The following C6orf132 variants were observed in gnomAD, a reference collection of about 807,000 sequenced individuals.
The protein encoded by C6orf132 is uncharacterized protein C6orf132.
Under a neutral mutation model 65.3 loss-of-function variants are expected in C6orf132, and 43 were observed. The observed-to-expected ratio is 0.66, with a 90% CI of 0.52 to 0.85. The LOEUF (loss-of-function observed/expected upper bound fraction) is 0.85, where lower values mean the gene tolerates loss of function less well. Ranked by LOEUF, C6orf132 falls within the 40% of genes least tolerant of loss-of-function variation. C6orf132 has a pLI of 0.00. For synonymous variants in C6orf132, 631 were observed against 654.1 expected (o/e 0.96, Z 0.54); for missense variants, 1,488 against 1,548.8 (o/e 0.96, Z 0.66).
chr6:42,121,770 T>C (rs1766689747), intron 2 of C6orf132, among the ~76,000 whole-genome samples: 1 of 151,878 alleles, frequency 6.6e-6, no homozygotes, highest in Non-Finnish European at 1.5e-5. Context: ...AGTTGCAGAG[T>C]GGGAGGGAGA....
intron 3 of C6orf132, 57 bp downstream of exon 3, chr6:42,110,159 C>T (rs1766472371): frequency 1.4e-6 from 2 of 1,415,348 alleles, no homozygotes; most frequent in Non-Finnish European, 1.9e-6. Context: ...AGCTTTTGAA[C>T]TCAGGGCCCT....
intron 2 of C6orf132, among the ~76,000 whole-genome samples, chr6:42,120,403 C>T (rs991445285): frequency 1.3e-5 from 2 of 151,618 alleles, no homozygotes; most frequent in Admixed American, 1.3e-4. Context: ...CCCACCACCA[C>T]GTCCAGTTAA....
At position 42,128,693 on chromosome 6, in the gene C6orf132, G is replaced by A; in HGVS notation, c.231C>T (p.Pro77=). ...TCACCAGCGGAAGGAAGGTCAGCAG[G>A]GGCCGGACTCTTGGCCGAGCTTTCA... The part of the protein sequence containing the change: ...ATLKARPRVR[P]LLTFLPLNAQ... Residue 77 remains proline, a synonymous_variant, in exon 2 of 5, where the codon CCC becomes CCT. Coordinates refer to ENST00000341865, the MANE Select transcript of C6orf132 (RefSeq NM_001164446.3). The A allele has an allele frequency of 6.4e-7, 1 of 1,551,372 alleles. No individual in the cohort carries two copies. Among genetic ancestry groups the A allele is most frequent in the Non-Finnish European group, 8.7e-7 (1 of 1,146,942 alleles).
intron 2 of C6orf132, among the ~76,000 whole-genome samples, chr6:42,121,985 C>T (rs557269071): frequency 1.3e-5 from 2 of 152,248 alleles, no homozygotes; most frequent in South Asian, 2.1e-4. Flanking sequence ...GCCTGGTGGA[C>T]GTGGTAGAGG....
At position 42,102,064 on chromosome 6, in the gene C6orf132, A is replaced by G. The variant is rs1225383799; in HGVS notation, c.*1697T>C. The G allele has an allele frequency of 6.6e-6, 1 of 152,174 alleles. No homozygotes were observed. Among genetic ancestry groups the G allele is most frequent in the African/African-American group, 2.4e-5 (1 of 41,416 alleles). 9.4% of individuals were successfully genotyped at this position (152,174 alleles called of 1,614,324 possible). A position where few individuals can be genotyped will look rare whatever the true frequency, so the allele number is the denominator to read the frequency against. On this transcript the variant is annotated 3_prime_UTR_variant, in exon 5 of 5. Coordinates refer to ENST00000341865, the MANE Select transcript of C6orf132 (RefSeq NM_001164446.3). ...ACCTGAAGATAGGGAAGCAAGACCA[A>G]GGAATATTGTTTCCTGATATGTTTG...
chr6:42,135,756 C>T (rs13214053), intron 1 of C6orf132, among the ~76,000 whole-genome samples: 2 of 152,248 alleles, frequency 1.3e-5, no homozygotes, highest in African/African-American at 4.8e-5. Context: ...AGGCACTATT[C>T]TAAGCCCTCA....
chr6:42,134,601 C>T (rs1766909120), intron 1 of C6orf132, among the ~76,000 whole-genome samples: 1 of 151,996 alleles, frequency 6.6e-6, no homozygotes. Flanking sequence ...CGGTGAAACC[C>T]CGTCTCCACT....
At chr6:42,131,986 CA>C (rs972288538) in intron 1 of C6orf132, among the ~76,000 whole-genome samples, 1 of 152,030 alleles carries the variant, frequency 6.6e-6, no homozygotes, top group Non-Finnish European at 1.5e-5. Context: ...GATACGGGAG[CA>C]GAGGTGGGGT....
chr6:42,105,559 C>A lies in C6orf132; in HGVS notation c.2353G>T (p.Val785Leu). The A allele has an allele frequency of 6.5e-7, 1 of 1,536,296 alleles. No individual in the cohort carries two copies. Among genetic ancestry groups the A allele is most frequent in the South Asian group, 1.2e-5 (1 of 84,054 alleles). The change falls in exon 4 of 5, where the codon GTG becomes TTG. Residue 785 changes from valine (V) to leucine (L), a missense_variant. Coordinates refer to ENST00000341865, the MANE Select transcript of C6orf132 (RefSeq NM_001164446.3). ...QSSLSREVAVVMPTLARGGAA... is the reference protein window; with the variant it reads ...QSSLSREVAVLMPTLARGGAA... ...CCTCCTCTGGCCAGGGTGGGCATCA[C>A]CACAGCAACCTCACGGCTGAGGCTG...
Position 42,105,513 on chromosome 6 carries a change from G to A in C6orf132, c.2399C>T (p.Pro800Leu). Residue 800 changes from proline (P) to leucine (L), a missense_variant, in exon 4 of 5, where the codon CCC (proline) becomes CTC (leucine). Pro to Leu is a moderately conservative substitution (Grantham distance 98). Coordinates refer to ENST00000341865, the MANE Select transcript of C6orf132 (RefSeq NM_001164446.3). ...ARGGAAGPGE[P>L]VEVKEPPGLP... ...CCCTGGGGGCTCCTTCACCTCCACG[G>A]GCTCCCCTGGCCCTGCAGCCCCTCC... 3.9e-6 allele frequency: 6 copies of A among 1,533,098 alleles called. No homozygotes were observed. The highest frequency in any genetic ancestry group is 4.4e-6 in the Non-Finnish European group (5 of 1,144,616). The allele number at this position is 1,533,098 out of a possible 1,614,324, so 95.0% of individuals were successfully genotyped here.
chr6:42,140,768 T>G (rs1478905270), intron 1 of C6orf132, among the ~76,000 whole-genome samples: 1 of 152,212 alleles, frequency 6.6e-6, no homozygotes, highest in Non-Finnish European at 1.5e-5. Flanking sequence ...TGCCTGACTC[T>G]AGATGAGATT....
Position 42,107,502 on chromosome 6 carries a change from A to G in C6orf132, c.410T>C (p.Leu137Pro). The G allele has an allele frequency of 6.5e-7, 1 of 1,549,536 alleles. No individual in the cohort carries two copies. Among genetic ancestry groups the G allele is most frequent in the Non-Finnish European group, 8.7e-7 (1 of 1,146,132 alleles). Reference sequence around the variant, plus strand: ...GCCTGGGGGAGGTGGGGGGATGAGTAGATCCTGGCCATATTGTCCAGGCCT... The same window carrying G: ...GCCTGGGGGAGGTGGGGGGATGAGTGGATCCTGGCCATATTGTCCAGGCCT... ...DLRPGQYGQDLLIPPPPPGPA... is the reference protein window; with the variant it reads ...DLRPGQYGQDPLIPPPPPGPA... Residue 137 changes from leucine to proline, a missense_variant, in exon 4 of 5, where the codon CTA (leucine) becomes CCA (proline). Transcript: ENST00000341865.
At chr6:42,130,766 CT>C (rs963352915) in intron 1 of C6orf132, among the ~76,000 whole-genome samples, 36 of 150,856 alleles carry the variant, frequency 2.4e-4, no homozygotes, top group Admixed American at 5.3e-4. Flanking sequence ...TACTGAGCAT[CT>C]TTTTTTTATC....
rs571651675 is a variant in C6orf132, at chr6:42,110,277, G to T, written c.267C>A (p.Asn89Lys). 6.5e-7 allele frequency: 1 copy of T among 1,548,984 alleles called. No individual in the cohort carries two copies. Among genetic ancestry groups the T allele is most frequent in the Non-Finnish European group, 8.7e-7 (1 of 1,146,012 alleles). The change falls in exon 3 of 5, where the codon AAC becomes AAA. Residue 89 changes from asparagine to lysine, a missense_variant. Asn to Lys is a moderately conservative substitution (Grantham distance 94). Transcript: ENST00000341865. ...AGGGGGTGGGCACAGCCAGCCCATGGTTTTCCTGGGCATTCTGAAAGAGAC... is the reference window on the plus strand; with the variant it reads ...AGGGGGTGGGCACAGCCAGCCCATGTTTTTCCTGGGCATTCTGAAAGAGAC... The part of the protein sequence containing the change: ...LTFLPLNAQE[N>K]HGLAVPTPSV...
chr6:42,112,168 C>T (rs571933358), intron 2 of C6orf132, among the ~76,000 whole-genome samples: 1 of 152,340 alleles, frequency 6.6e-6, no homozygotes, highest in East Asian at 1.9e-4. Context: ...AACACATTAT[C>T]TCAGTCACAC....
chr6:42,140,246 C>G (rs577264618), intron 1 of C6orf132, among the ~76,000 whole-genome samples: 26 of 152,390 alleles, frequency 1.7e-4, no homozygotes, highest in African/African-American at 6.0e-4. Flanking sequence ...AGGGCAGCAG[C>G]TGGCTGGAGA....
chr6:42,142,586 A>AC lies in C6orf132; in HGVS notation c.-143dup. The AC allele has an allele frequency of 2.0e-6, 1 of 504,650 alleles. No homozygotes were observed. The allele number at this position is 504,650 out of a possible 1,614,324, so 31.3% of individuals were successfully genotyped here. A position where few individuals can be genotyped will look rare whatever the true frequency, so the allele number is the denominator to read the frequency against. ...GTCCTCCCCGCCCGCGCACCGGGCA[A>AC]CAGGTGCTGCGGGCGCCGCCGCTTG... On this transcript the variant is annotated 5_prime_UTR_variant, in exon 1 of 5. Transcript: ENST00000341865.
chr6:42,134,647 G>A (rs1458692989), intron 1 of C6orf132, among the ~76,000 whole-genome samples: 1 of 151,970 alleles, frequency 6.6e-6, no homozygotes, highest in African/African-American at 2.4e-5. Flanking sequence ...GGTGGTGGGT[G>A]CCTATAACCC....
intron 2 of C6orf132, among the ~76,000 whole-genome samples, chr6:42,111,135 T>C (rs1766488275): frequency 6.6e-6 from 1 of 151,946 alleles, no homozygotes; most frequent in Non-Finnish European, 1.5e-5. Flanking sequence ...TTTTTTTTGT[T>C]TTAATTGAGA....
Sources: gnomAD v4.1 joint callset for allele counts (sites outside exome capture counted in the v4.1 genomes callset) on GRCh38, gnomAD v4.1.1 for gene constraint, MANE v1.5 for transcripts, NCBI Gene and HGNC (gene_info 2026-07-23, HGNC 2026-07-21) for gene names.